The following DISC1 variants were observed in gnomAD, a reference collection of about 807,000 sequenced individuals.
The protein encoded by DISC1 is DISC1 scaffold protein, also known as disrupted in schizophrenia 1 protein.
Under a neutral mutation model 84.5 loss-of-function variants are expected in DISC1, and 57 were observed. The observed-to-expected ratio is 0.67, with a 90% CI of 0.55 to 0.84. DISC1 has a LOEUF of 0.84. Ranked by LOEUF, DISC1 falls within the 40% of genes least tolerant of loss-of-function variation. The pLI, the probability that DISC1 is intolerant of heterozygous loss-of-function variation, is 0.00. For synonymous variants in DISC1, 411 were observed against 415.2 expected, an observed-to-expected ratio of 0.99 and a Z score of 0.12; for missense variants, 1,000 against 1,057.8, an observed-to-expected ratio of 0.95 and a Z score of 0.76.
At chr1:232,012,898 A>G (rs1668156189) in intron 11 of DISC1, among the ~76,000 whole-genome samples, 1 of 152,128 alleles carries the variant, frequency 6.6e-6, no homozygotes. Flanking sequence ...CTCAGTGCCA[A>G]TCTTAGCATG....
chr1:231,818,796 T>C, intron 9 of DISC1: 1 of 1,258,474 alleles, frequency 7.9e-7, no homozygotes, highest in Middle Eastern at 3.1e-4. Context: ...TAGAGCAGTC[T>C]CTCCCTTGGC....
chr1:231,927,010 G>A (rs542128683), intron 9 of DISC1, among the ~76,000 whole-genome samples: 7 of 152,196 alleles, frequency 4.6e-5, no homozygotes, highest in Non-Finnish European at 8.8e-5. Flanking sequence ...TCTAGGTACC[G>A]TGGCTTTCAC....
chr1:231,719,747 A>G (rs187537581), intron 3 of DISC1, among the ~76,000 whole-genome samples: 33 of 152,296 alleles, frequency 2.2e-4, no homozygotes, highest in Admixed American at 2.0e-3. Flanking sequence ...GTATTTGCGA[A>G]CTGATTATTT....
chr1:231,629,762 C>T (rs978274883), intron 1 of DISC1, among the ~76,000 whole-genome samples: 1 of 152,138 alleles, frequency 6.6e-6, no homozygotes, highest in Non-Finnish European at 1.5e-5. Flanking sequence ...TAATGTAGAA[C>T]AAAGCCAATT....
intron 3 of DISC1, among the ~76,000 whole-genome samples, chr1:231,735,701 T>TA (rs2072389917): frequency 6.6e-6 from 1 of 152,256 alleles, no homozygotes; most frequent in South Asian, 2.1e-4. Context: ...ATTGTGAGGA[T>TA]AAAATGATTG....
At position 231,897,118 on chromosome 1, in the gene DISC1, A is replaced by G. The variant is rs900655359; in HGVS notation, c.1982-61710A>G. Among the ~76,000 whole-genome samples the G allele has an allele frequency of 5.9e-5, 9 of 152,162 alleles. No individual in the cohort carries two copies. Among genetic ancestry groups the G allele is most frequent in the Admixed American group, 2.0e-4 (3 of 15,286 alleles). On this transcript the variant is annotated intron_variant, in intron 9 of 12. Coordinates refer to ENST00000439617, the MANE Select transcript of DISC1 (RefSeq NM_018662.3). The surrounding 1 kb of genome is among the most constrained non-coding windows in gnomAD (Gnocchi z 4.5). ...TTCAGTTTGCCTGGCAGGGCATGGT[A>G]AGACTTCAGAAAGGAAGTGACATTG...
chr1:231,861,640 T>G (rs527765389), intron 9 of DISC1, among the ~76,000 whole-genome samples: 1 of 152,282 alleles, frequency 6.6e-6, no homozygotes, highest in South Asian at 2.1e-4. Context: ...CTTTATGTTT[T>G]GGTAGATCTT....
rs1019292944 is a variant in DISC1 at position 231,807,155 on chromosome 1, A to T, written c.1792+6945A>T. Among the ~76,000 whole-genome samples, 5 of 152,338 alleles carry T rather than the reference A, an allele frequency of 3.3e-5. No individual in the cohort carries two copies. In the South Asian group the frequency reaches 1.0e-3, roughly 32 times the overall value. ...GTGTGTTGGACTGCGGGTCTGCACC[A>T]TTGTGAGACACGGTCCTATATTGGG... is the stretch of plus-strand genomic sequence containing the variant. On this transcript the variant is annotated intron_variant, in intron 8 of 12. Transcript: ENST00000439617.
intron 1 of DISC1, among the ~76,000 whole-genome samples, chr1:231,677,397 T>C (rs1163946347): frequency 3.9e-5 from 6 of 152,214 alleles, no homozygotes; most frequent in African/African-American, 1.2e-4. Context: ...TCTCTCTTTT[T>C]AAAGACTGTG....
intron 1 of DISC1, among the ~76,000 whole-genome samples, chr1:231,665,864 TCTTTTC>T (rs1018637868): frequency 1.3e-5 from 2 of 152,210 alleles, no homozygotes; most frequent in East Asian, 3.9e-4. Flanking sequence ...CAGAGTTTCC[TCTTTTC>T]CTTTGCATCT....
At chr1:231,631,711 A>C (rs2058724671) in intron 1 of DISC1, among the ~76,000 whole-genome samples, 1 of 151,680 alleles carries the variant, frequency 6.6e-6, no homozygotes, top group Non-Finnish European at 1.5e-5. Context: ...TTTGTGTTTT[A>C]AGCTGTGTTT....
Position 231,924,955 on chromosome 1 carries a change from CTT to C in DISC1, c.1982-33857_1982-33856del, listed in dbSNP as rs370177238. ...ACAGGCGTGAGTCACTGCGCCCGGC[CTT>C]TTTTTTTTTTTTTTTAAATGATTCT... is the stretch of plus-strand genomic sequence containing the variant. On this transcript the variant is annotated intron_variant, in intron 9 of 12. Coordinates refer to ENST00000439617, the MANE Select transcript of DISC1 (RefSeq NM_018662.3). Among the ~76,000 whole-genome samples the C allele has an allele frequency of 2.0e-3, 273 of 139,260 alleles. 1 individual carries two copies. The highest frequency in any genetic ancestry group is 0.015 in the Middle Eastern group (4 of 270). The allele number at this position is 139,260 out of a possible 152,430, so 91.4% of individuals were successfully genotyped here. A position where few individuals can be genotyped will look rare whatever the true frequency, so the allele number is the denominator to read the frequency against.
intron 9 of DISC1, among the ~76,000 whole-genome samples, chr1:231,820,853 G>A (rs998309955): frequency 6.6e-6 from 1 of 152,212 alleles, no homozygotes; most frequent in African/African-American, 2.4e-5. Flanking sequence ...ACCCTGGGCA[G>A]CAATGTGCCC....
At chr1:231,689,093 A>C (rs1475747350) in intron 1 of DISC1, among the ~76,000 whole-genome samples, 2 of 152,198 alleles carry the variant, frequency 1.3e-5, no homozygotes, top group South Asian at 4.1e-4. Context: ...ATGTATTAAG[A>C]TCTTACACCC....
chr1:231,845,012 G>T (rs771282637), intron 9 of DISC1, among the ~76,000 whole-genome samples: 1 of 152,016 alleles, frequency 6.6e-6, no homozygotes, highest in Non-Finnish European at 1.5e-5. Flanking sequence ...GGGTTGTGCA[G>T]ACCAAAGTTT....
intron 9 of DISC1, 124 bp downstream of exon 9, chr1:231,818,641 C>G (rs1157962605): frequency 2.8e-5 from 41 of 1,473,598 alleles, no homozygotes; most frequent in Non-Finnish European, 3.6e-5. Context: ...GCACATGGCC[C>G]TTTTCCTTGG....
intron 10 of DISC1, among the ~76,000 whole-genome samples, chr1:231,963,785 G>A (rs183830282): frequency 6.2e-4 from 94 of 152,214 alleles, no homozygotes; most frequent in African/African-American, 2.1e-3. Flanking sequence ...TGAGCTCCCC[G>A]AGTGAGCAAT....
At chr1:231,943,140 G>A (rs1020992563) in intron 9 of DISC1, among the ~76,000 whole-genome samples, 5 of 152,226 alleles carry the variant, frequency 3.3e-5, no homozygotes, top group African/African-American at 1.2e-4. Flanking sequence ...CTAGTAAATG[G>A]CTAAATATAG....
chr1:231,928,469 C>T (rs1392376795), intron 9 of DISC1, among the ~76,000 whole-genome samples: 3 of 152,104 alleles, frequency 2.0e-5, no homozygotes, highest in East Asian at 1.9e-4. Flanking sequence ...GTCTAGCTAG[C>T]GGTCTATCTA....
Sources: gnomAD v4.1 joint callset for allele counts (sites outside exome capture counted in the v4.1 genomes callset) on GRCh38, gnomAD v4.1.1 for gene constraint, Gnocchi (gnomAD v3.1) non-coding constraint, MANE v1.5 for transcripts, NCBI Gene and HGNC (gene_info 2026-07-23, HGNC 2026-07-21) for gene names.